PTPRO: variants seen among roughly 807,000 people sequenced by gnomAD.
PTPRO encodes protein tyrosine phosphatase receptor type O.
Under a neutral mutation model 145.2 loss-of-function variants are expected in PTPRO, and 62 were observed. The ratio of observed to expected loss-of-function variants is 0.43; its 90% CI spans 0.35 to 0.53. The LOEUF (loss-of-function observed/expected upper bound fraction) is 0.53. Among genes scored for constraint, PTPRO ranks in the 20% least tolerant of loss-of-function variants. The pLI is 0.01. For missense variants in PTPRO, 1,345 were observed against 1,482.7 expected (o/e 0.91, Z 1.53); for synonymous variants, 565 against 514.7 (o/e 1.10, Z -1.32).
At chr12:15,562,451 T>G (rs530790222) in intron 17 of PTPRO, among the ~76,000 whole-genome samples, 51 of 152,258 alleles carry the variant, frequency 3.3e-4, no homozygotes, top group African/African-American at 1.2e-3. Flanking sequence ...CCAACTTCCT[T>G]TCTAAACTGT....
chr12:15,407,550 G>A lies in PTPRO; in HGVS notation c.76-76424G>A, dbSNP rs1468322995. Among the ~76,000 whole-genome samples, 3 of 152,304 alleles carry A rather than the reference G, an allele frequency of 2.0e-5. No homozygotes were observed. In the East Asian group the frequency reaches 5.8e-4, roughly 29 times the overall value. ...TTTACCATCTACTTGGAGTGCCAAA[G>A]CAGCAGAACAACTAGAGAATAAAAG... On this transcript the variant is annotated intron_variant, in intron 1 of 26. Transcript: ENST00000281171.
rs564622463 is a variant in PTPRO at position 15,501,419 on chromosome 12, G to GTA, written c.662-198_662-197dup. Among the ~76,000 whole-genome samples, 4 of 152,132 alleles carry GTA rather than the reference G, an allele frequency of 2.6e-5. No homozygotes were observed. The South Asian group carries it at 8.3e-4, about 32-fold the overall frequency. On this transcript the variant is annotated intron_variant, in intron 4 of 26. Transcript: ENST00000281171. ...AGTGTGACTAGTGGTATGTTGATAGGTATACATCATCCACAAAATGTTAGA... is the reference window on the plus strand; with the variant it reads ...AGTGTGACTAGTGGTATGTTGATAGGTATATACATCATCCACAAAATGTTAGA...
At chr12:15,402,599 T>C (rs1351222394) in intron 1 of PTPRO, among the ~76,000 whole-genome samples, 1 of 152,190 alleles carries the variant, frequency 6.6e-6, no homozygotes, top group African/African-American at 2.4e-5. Flanking sequence ...GAATTCTCTA[T>C]GTAAATTGTT....
intron 1 of PTPRO, among the ~76,000 whole-genome samples, chr12:15,431,004 T>C (rs1167403916): frequency 6.6e-6 from 1 of 152,212 alleles, no homozygotes; most frequent in East Asian, 1.9e-4. Flanking sequence ...CTGTATTCAA[T>C]ATTTTGATAT....
chr12:15,378,088 A>C (rs1938741774), intron 1 of PTPRO, among the ~76,000 whole-genome samples: 1 of 152,062 alleles, frequency 6.6e-6, no homozygotes, highest in South Asian at 2.1e-4. Flanking sequence ...AAGAACCTAG[A>C]AAAAGGAGAG....
At position 15,551,564 on chromosome 12, in the gene PTPRO, T is replaced by C. The variant is rs1943460622; in HGVS notation, c.2451T>C (p.Asn817=). ...IAVSTMVTEM[N]PNVVVISVLA... Reference sequence around the variant, plus strand: ...TTATCTCTTTAGTTACAGAGATGAATCCCAATGTGGTAGTGATCTCCGTGC... The same window carrying C: ...TTATCTCTTTAGTTACAGAGATGAACCCCAATGTGGTAGTGATCTCCGTGC... The change falls in exon 15 of 27, where the codon AAT becomes AAC. Residue 817 remains asparagine (N), a synonymous_variant. Coordinates refer to ENST00000281171, the MANE Select transcript of PTPRO (RefSeq NM_030667.3). The C allele has an allele frequency of 6.2e-7, 1 of 1,613,618 alleles. No individual in the cohort carries two copies. Among genetic ancestry groups the C allele is most frequent in the Non-Finnish European group, 8.5e-7 (1 of 1,179,810 alleles).
At position 15,486,198 on chromosome 12, in the gene PTPRO, T is replaced by C. The variant is rs117876775; in HGVS notation, c.349+1951T>C. ...CCTTTCACTTATTTTGGTTTATGCTTTACATATTTTGAAGCTCTGTTGTTA... is the reference window on the plus strand; with the variant it reads ...CCTTTCACTTATTTTGGTTTATGCTCTACATATTTTGAAGCTCTGTTGTTA... On this transcript the variant is annotated intron_variant, in intron 2 of 26. Transcript: ENST00000281171. 4.6e-5 allele frequency among the ~76,000 whole-genome samples: 7 copies of C among 152,326 alleles called. No homozygotes were observed. The East Asian group carries it at 1.3e-3, about 29-fold the overall frequency.
chr12:15,498,477 G>T (rs1942152889), intron 3 of PTPRO, among the ~76,000 whole-genome samples: 1 of 152,148 alleles, frequency 6.6e-6, no homozygotes, highest in South Asian at 2.1e-4. Context: ...AGAATCCCTT[G>T]AACCCAGGAG....
chr12:15,552,957 G>A (rs1231340328), intron 15 of PTPRO, among the ~76,000 whole-genome samples: 4 of 151,814 alleles, frequency 2.6e-5, no homozygotes, highest in Non-Finnish European at 5.9e-5. Flanking sequence ...GCACCACTAG[G>A]CCTAGTTAAT....
intron 1 of PTPRO, among the ~76,000 whole-genome samples, chr12:15,389,214 C>T (rs1055569708): frequency 6.6e-6 from 1 of 151,818 alleles, no homozygotes; most frequent in Non-Finnish European, 1.5e-5. Flanking sequence ...CGCCATTCTC[C>T]TGCCTCAGCC....
intron 2 of PTPRO, among the ~76,000 whole-genome samples, chr12:15,494,215 T>C (rs1264400399): frequency 6.6e-6 from 1 of 152,058 alleles, no homozygotes; most frequent in Non-Finnish European, 1.5e-5. Flanking sequence ...ATTTGAAAAA[T>C]TAAAACATCT....
intron 1 of PTPRO, among the ~76,000 whole-genome samples, chr12:15,366,282 T>C (rs1309721912): frequency 6.6e-6 from 1 of 152,328 alleles, no homozygotes; most frequent in Non-Finnish European, 1.5e-5. Flanking sequence ...GAAGCTGTTG[T>C]TTGTCTTTTT....
intron 1 of PTPRO, among the ~76,000 whole-genome samples, chr12:15,426,103 C>T (rs1035577826): frequency 4.6e-5 from 7 of 151,412 alleles, no homozygotes; most frequent in Non-Finnish European, 1.0e-4. Context: ...TATTTCACTA[C>T]ATTTTTAGTT....
Position 15,414,488 on chromosome 12 carries a change from G to T in PTPRO, c.76-69486G>T, listed in dbSNP as rs13378053. On this transcript the variant is annotated intron_variant, in intron 1 of 26. Coordinates refer to ENST00000281171, the MANE Select transcript of PTPRO (RefSeq NM_030667.3). ...TTTCTTTTCTCCTTTTTTCTCCCTT[G>T]CCCTAGCTTAAAGCTGTGCATAGAA... is the stretch of plus-strand genomic sequence containing the variant. Among the ~76,000 whole-genome samples, 550 of 152,022 alleles carry T rather than the reference G, an allele frequency of 3.6e-3. 2 individuals are homozygous for T. The highest frequency in any genetic ancestry group is 5.8e-3 in the Non-Finnish European group (395 of 67,958).
intron 1 of PTPRO, among the ~76,000 whole-genome samples, chr12:15,387,362 G>GGGGTT (rs1939058075): frequency 7.2e-6 from 1 of 139,810 alleles, no homozygotes; most frequent in African/African-American, 2.6e-5. Context: ...TTAAAAGCCC[G>GGGGTT]GGGTTGGGGA....
Position 15,596,087 on chromosome 12 carries a change from C to G in PTPRO, c.*17-3C>G, listed in dbSNP as rs1416868583. ...TTACTGTCTTTCTTTGTCTCATTCA[C>G]AGGAGAGGACATGATGTGCGCCCAT... On this transcript the variant is annotated splice_polypyrimidine_tract_variant and splice_region_variant and intron_variant, in intron 26 of 26. Transcript: ENST00000281171. 6.6e-6 allele frequency: 1 copy of G among 152,220 alleles called. No homozygotes were observed. The highest frequency in any genetic ancestry group is 1.5e-5 in the Non-Finnish European group (1 of 68,040). The allele number at this position is 152,220 out of a possible 1,614,324, so 9.4% of individuals were successfully genotyped here.
chr12:15,506,549 C>T (rs544770311), intron 6 of PTPRO, among the ~76,000 whole-genome samples: 38 of 152,190 alleles, frequency 2.5e-4, no homozygotes, highest in Admixed American at 3.9e-4. Context: ...TGGCAGAAGA[C>T]GAAGGGGAAG....
At chr12:15,508,846 G>T in intron 7 of PTPRO, 79 bp downstream of exon 7, 1 of 1,450,870 alleles carries the variant, frequency 6.9e-7, no homozygotes. Context: ...GGAGGCAATT[G>T]TAGGAAGCCA....
chr12:15,471,328 C>T (rs1295301539), intron 1 of PTPRO, among the ~76,000 whole-genome samples: 1 of 151,932 alleles, frequency 6.6e-6, no homozygotes, highest in Admixed American at 6.6e-5. Context: ...TGCAGTAAGC[C>T]GAGATCCGGC....
Sources: gnomAD v4.1 joint callset for allele counts (sites outside exome capture counted in the v4.1 genomes callset) on GRCh38, gnomAD v4.1.1 for gene constraint, MANE v1.5 for transcripts, NCBI Gene and HGNC (gene_info 2026-07-23, HGNC 2026-07-21) for gene names.